Variants in CPNE5 observed in about 807,000 individuals in gnomAD.
CPNE5 encodes copine-5.
CPNE5 carries 42 observed loss-of-function variants against 81.1 expected under a neutral mutation model. That is an observed-to-expected ratio of 0.52 (90% confidence interval 0.40 to 0.67). The LOEUF is 0.67. Ranked by LOEUF, CPNE5 falls within the 30% of genes least tolerant of loss-of-function variation. The pLI is 0.00. For synonymous variants in CPNE5, 313 were observed against 321.5 expected (o/e 0.97, Z 0.28); for missense variants, 612 against 815.5 (o/e 0.75, Z 3.04).
intron 8 of CPNE5, 110 bp downstream of exon 8, chr6:36,791,923 A>G (rs1227528504): frequency 1.1e-6 from 1 of 925,170 alleles, no homozygotes; most frequent in African/African-American, 1.6e-5. Flanking sequence ...CCAGGTCAGC[A>G]TCAGGAGCCC....
intron 1 of CPNE5, among the ~76,000 whole-genome samples, chr6:36,826,056 A>G (rs960132799): frequency 2.0e-5 from 3 of 152,142 alleles, no homozygotes; most frequent in African/African-American, 7.2e-5. Context: ...GTCTCCTCCA[A>G]GTGTGGCTCT....
chr6:36,788,946 C>T (rs182007780), intron 8 of CPNE5, among the ~76,000 whole-genome samples: 78 of 152,310 alleles, frequency 5.1e-4, no homozygotes, highest in Admixed American at 1.4e-3. Flanking sequence ...TTGTCTACTT[C>T]GGCAAAATGT....
At chr6:36,781,382 T>C (rs1768022935) in intron 8 of CPNE5, among the ~76,000 whole-genome samples, 1 of 146,940 alleles carries the variant, frequency 6.8e-6, no homozygotes, top group Non-Finnish European at 1.5e-5. Context: ...TCATACTTTA[T>C]ACAACCATAC....
chr6:36,798,139 A>T, intron 6 of CPNE5, 26 bp downstream of exon 6: 1 of 1,599,326 alleles, frequency 6.3e-7, no homozygotes, highest in Non-Finnish European at 8.6e-7. Flanking sequence ...TTGGCCTACC[A>T]CTGGGAAAGC....
chr6:36,768,645 G>C (rs988893373), intron 10 of CPNE5, among the ~76,000 whole-genome samples: 10 of 152,214 alleles, frequency 6.6e-5, no homozygotes, highest in African/African-American at 2.4e-4. Flanking sequence ...GCCAACAAAA[G>C]CTGCGGTCCA....
intron 10 of CPNE5, among the ~76,000 whole-genome samples, chr6:36,767,957 AG>A (rs1345643647): frequency 6.6e-6 from 1 of 152,192 alleles, no homozygotes; most frequent in Non-Finnish European, 1.5e-5. Flanking sequence ...GTTGGTCTGG[AG>A]TGCAAGCTGG....
chr6:36,827,341 G>T (rs962634063), intron 1 of CPNE5: 2 of 985,216 alleles, frequency 2.0e-6, no homozygotes, highest in African/African-American at 3.5e-5. Context: ...GGCTTTGGAC[G>T]GGTGGCTTCA....
At chr6:36,839,726 G>T, upstream of CPNE5, 1 of 264,208 alleles carries the variant, frequency 3.8e-6, no homozygotes, top group Non-Finnish European at 7.2e-6. This position sits in a 1 kb window ranked among gnomAD's most constrained non-coding sequence, Gnocchi z 7.3. Flanking sequence ...GAGTCGTGGA[G>T]AGGGGCACCA....
chr6:36,809,014 C>G (rs62406628), intron 3 of CPNE5, among the ~76,000 whole-genome samples: 23,807 of 152,146 alleles, frequency 0.16, 2,386 homozygotes, highest in East Asian at 0.26. Context: ...CTAGGTCTGA[C>G]AGTTTTCAGC....
chr6:36,796,344 G>C (rs236407), intron 6 of CPNE5, among the ~76,000 whole-genome samples: 20,661 of 152,208 alleles, frequency 0.14, 2,027 homozygotes, highest in African/African-American at 0.27. Flanking sequence ...ACCCCCAGAG[G>C]GTGTTTCCTG....
In CPNE5 at chr6:36,746,616, C is replaced by A. The variant is rs368477172; in HGVS notation, c.1019-39G>T. ...CATGGGAGCCTTTGACCATCTGGAC[C>A]CTCCAAGTCACCCCGGGTTCAGAAT... is the stretch of plus-strand genomic sequence containing the variant. On this transcript the variant is annotated intron_variant, in intron 15 of 20. Transcript: ENST00000244751. This position sits in a 1 kb window ranked among gnomAD's most constrained non-coding sequence, Gnocchi z 4.5. 290 of 1,567,962 alleles carry A rather than the reference C, an allele frequency of 1.8e-4. No individual in the cohort carries two copies. The Middle Eastern group carries it at 2.0e-3, about 11-fold the overall frequency.
At chr6:36,749,100 C>CTTT (rs560623757) in intron 14 of CPNE5, among the ~76,000 whole-genome samples, 35 of 149,686 alleles carry the variant, frequency 2.3e-4, no homozygotes, top group Middle Eastern at 3.4e-3. Context: ...CCACACCTGG[C>CTTT]TTTTTTTTTT....
At position 36,765,317 on chromosome 6, in the gene CPNE5, G is replaced by C. The variant is rs1424239890; in HGVS notation, c.779+18C>G. 6.2e-7 allele frequency: 1 copy of C among 1,613,750 alleles called. No homozygotes were observed. Among genetic ancestry groups the C allele is most frequent in the South Asian group, 1.1e-5 (1 of 91,072 alleles). ...CATCCCCACTCACCTTCTCGCCCCT[G>C]CCCTCCTGCCTGCTTACCTGCCGTC... On this transcript the variant is annotated intron_variant, in intron 11 of 20. Coordinates refer to ENST00000244751, the MANE Select transcript of CPNE5 (RefSeq NM_020939.2).
intron 1 of CPNE5, among the ~76,000 whole-genome samples, chr6:36,826,962 G>A (rs1166801436): frequency 2.6e-5 from 4 of 152,152 alleles, no homozygotes; most frequent in Admixed American, 1.3e-4. Context: ...CTGGGACCTC[G>A]TCAGCCTTGT....
intron 8 of CPNE5, among the ~76,000 whole-genome samples, chr6:36,780,125 A>G (rs1473181428): frequency 2.6e-5 from 4 of 151,846 alleles, no homozygotes; most frequent in African/African-American, 4.8e-5. Flanking sequence ...CACCACACCT[A>G]GCTAATTTAT....
chr6:36,766,698 C>T lies in CPNE5; in HGVS notation c.738-1322G>A, dbSNP rs946629275. On this transcript the variant is annotated intron_variant, in intron 10 of 20. Transcript: ENST00000244751. The surrounding 1 kb of genome is among the most constrained non-coding windows in gnomAD (Gnocchi z 4.2). ...GACCTGAGATGTCACTTAATCTCCC[C>T]GAGCCATAAGCCACCATTGAAAGGA... 3.0e-4 allele frequency among the ~76,000 whole-genome samples: 46 copies of T among 151,608 alleles called. No homozygotes were observed. Among genetic ancestry groups the T allele is most frequent in the African/African-American group, 1.0e-3 (43 of 41,486 alleles).
Position 36,782,006 on chromosome 6 carries a change from C to T in CPNE5, c.529-3049G>A, listed in dbSNP as rs117884159. On this transcript the variant is annotated intron_variant, in intron 8 of 20. Coordinates refer to ENST00000244751, the MANE Select transcript of CPNE5 (RefSeq NM_020939.2). ...AGCAGGTCACTCAAGCTCTCAGAGC[C>T]TCAGTTTCCTCGTCTGTGGAGCGTG... 3.5e-3 allele frequency among the ~76,000 whole-genome samples: 538 copies of T among 152,298 alleles called. 9 individuals are homozygous for T. Among genetic ancestry groups the T allele is most frequent in the East Asian group, 0.032 (164 of 5,180 alleles).
chr6:36,773,814 T>G, intron 10 of CPNE5, among the ~76,000 whole-genome samples: 1 of 152,102 alleles, frequency 6.6e-6, no homozygotes, highest in Non-Finnish European at 1.5e-5. Context: ...CAAATGATGA[T>G]GAAGATGATA....
intron 1 of CPNE5, among the ~76,000 whole-genome samples, chr6:36,828,157 C>T (rs1299289559): frequency 1.3e-5 from 2 of 151,918 alleles, no homozygotes; most frequent in African/African-American, 4.8e-5. Flanking sequence ...CAGGGTAACA[C>T]CTCCCATCTG....
Sources: allele counts gnomAD v4.1 joint callset (sites outside exome capture counted in the v4.1 genomes callset), GRCh38; gene constraint gnomAD v4.1.1; non-coding constraint Gnocchi (gnomAD v3.1); transcripts MANE v1.5; gene names NCBI Gene and HGNC (gene_info 2026-07-23, HGNC 2026-07-21).